ELMO1: variants seen among roughly 807,000 people sequenced by gnomAD.
The protein encoded by ELMO1 is engulfment and cell motility 1, also known as engulfment and cell motility protein 1.
ELMO1 carries 26 observed loss-of-function variants against 98.9 expected under a neutral mutation model. That is an observed-to-expected ratio of 0.26 (90% CI 0.19 to 0.36). ELMO1 has a LOEUF of 0.36. Ranked by LOEUF, ELMO1 falls within the 10% of genes least tolerant of loss-of-function variation. The pLI is 1.00. For missense variants in ELMO1, 627 were observed against 935.2 expected (o/e 0.67, Z 4.30); for synonymous variants, 346 against 346.0 (o/e 1.00, Z 0.00).
At chr7:37,375,521 G>T in intron 1 of ELMO1, 1 of 935,308 alleles carries the variant, frequency 1.1e-6, no homozygotes. Flanking sequence ...GAGCCACCAA[G>T]ATGTTGATGC....
At chr7:37,063,993 T>C (rs561582236) in intron 15 of ELMO1, among the ~76,000 whole-genome samples, 134 of 152,236 alleles carry the variant, frequency 8.8e-4, no homozygotes, top group African/African-American at 3.1e-3. Flanking sequence ...AATTTTTTCA[T>C]CCTTGGGTCG....
intron 1 of ELMO1, among the ~76,000 whole-genome samples, chr7:37,392,122 A>G (rs965559688): frequency 6.6e-6 from 1 of 152,212 alleles, no homozygotes; most frequent in Non-Finnish European, 1.5e-5. Flanking sequence ...TAGAGATAAT[A>G]AAATATTCCA....
intron 4 of ELMO1, among the ~76,000 whole-genome samples, chr7:37,276,862 C>T (rs1796863790): frequency 6.6e-6 from 1 of 152,188 alleles, no homozygotes; most frequent in Admixed American, 6.5e-5. Flanking sequence ...ATCTCTCACC[C>T]ACTTTTTTTA....
intron 16 of ELMO1, among the ~76,000 whole-genome samples, chr7:36,968,273 C>T (rs1789616147): frequency 1.3e-5 from 2 of 152,196 alleles, no homozygotes; most frequent in Admixed American, 6.5e-5. Flanking sequence ...AATATTTATT[C>T]TGCACTTCTG....
At chr7:37,085,383 T>G (rs1783708575) in intron 15 of ELMO1, among the ~76,000 whole-genome samples, 1 of 152,240 alleles carries the variant, frequency 6.6e-6, no homozygotes, top group Non-Finnish European at 1.5e-5. Flanking sequence ...TATTTTGGTT[T>G]TGAAAACTTT....
intron 1 of ELMO1, among the ~76,000 whole-genome samples, chr7:37,346,074 C>T (rs759059194): frequency 1.8e-4 from 27 of 151,766 alleles, no homozygotes; most frequent in Non-Finnish European, 3.2e-4. Context: ...GCCAAAAAAT[C>T]AGCAAGTGCG....
intron 16 of ELMO1, among the ~76,000 whole-genome samples, chr7:36,904,589 T>G (rs972392265): frequency 7.9e-5 from 12 of 152,174 alleles, no homozygotes; most frequent in African/African-American, 2.9e-4. Context: ...CTGCACCTCA[T>G]GAGAAAGCAC....
intron 1 of ELMO1, among the ~76,000 whole-genome samples, chr7:37,394,683 C>G (rs1241659911): frequency 1.3e-5 from 2 of 152,042 alleles, no homozygotes; most frequent in Non-Finnish European, 2.9e-5. Flanking sequence ...ACAGAAACAC[C>G]AGATCTGCAG....
chr7:37,303,440 G>T (rs1798445743), intron 4 of ELMO1, among the ~76,000 whole-genome samples: 1 of 152,110 alleles, frequency 6.6e-6, no homozygotes, highest in Non-Finnish European at 1.5e-5. Context: ...AACATAATCT[G>T]ATTGCTGTTC....
intron 1 of ELMO1, chr7:37,353,749 C>T (rs1212598195): frequency 6.6e-6 from 1 of 152,144 alleles, no homozygotes; most frequent in Non-Finnish European, 1.5e-5. Context: ...ACAGAGCGTT[C>T]ATTTGTCTGT....
At chr7:37,109,490 C>T (rs1046424517) in intron 14 of ELMO1, among the ~76,000 whole-genome samples, 8 of 152,156 alleles carry the variant, frequency 5.3e-5, no homozygotes, top group South Asian at 4.1e-4. Context: ...ACACACCCCA[C>T]GCGCTGCCTC....
intron 13 of ELMO1, among the ~76,000 whole-genome samples, chr7:37,173,836 G>A (rs561234795): frequency 1.6e-4 from 25 of 152,302 alleles, no homozygotes; most frequent in South Asian, 8.3e-4. Context: ...GTGTCTGCTC[G>A]GCTGGCTTTA....
At chr7:37,033,360 T>C (rs1794985264) in intron 15 of ELMO1, 1 of 455,608 alleles carries the variant, frequency 2.2e-6, no homozygotes. Context: ...CGAGACACAC[T>C]GCAAGGCTGG....
intron 13 of ELMO1, among the ~76,000 whole-genome samples, chr7:37,155,503 A>AATAAAAAT (rs1554427527): frequency 7.6e-6 from 1 of 131,738 alleles, no homozygotes; most frequent in African/African-American, 2.7e-5. Flanking sequence ...AAAAAAAAAA[A>AATAAAAAT]AAAAAGCAGG....
chr7:37,084,172 GGAGGAGCGGGAGGGAGAGGGATGAA>G (rs1277277378), intron 15 of ELMO1, among the ~76,000 whole-genome samples: 8 of 152,188 alleles, frequency 5.3e-5, no homozygotes, highest in African/African-American at 1.9e-4. Flanking sequence ...ATTACCCTGA[GGAGGAGCGGGAGGGAGAGGGATGAA>G]GAGGAGCCCT....
At chr7:36,947,076 T>C (rs1382814545) in intron 16 of ELMO1, among the ~76,000 whole-genome samples, 2 of 152,206 alleles carry the variant, frequency 1.3e-5, no homozygotes, top group South Asian at 2.1e-4. Context: ...GTCACCCAAA[T>C]AGTGAGCACA....
At position 37,153,231 on chromosome 7, in the gene ELMO1, G is replaced by A. The variant is rs368628966; in HGVS notation, c.1087-19997C>T. 4.6e-5 allele frequency among the ~76,000 whole-genome samples: 7 copies of A among 152,254 alleles called. No individual in the cohort carries two copies. In the East Asian group the frequency reaches 5.8e-4, roughly 13 times the overall value. ...TCCCAGTGATATTGACGCAGCAGAC[G>A]GGTGATTTCTACATTTCCAACTGAG... On this transcript the variant is annotated intron_variant, in intron 13 of 21. Coordinates refer to ENST00000310758, the MANE Select transcript of ELMO1 (RefSeq NM_014800.11).
At chr7:37,349,712 C>A (rs1801172226) in intron 1 of ELMO1, among the ~76,000 whole-genome samples, 1 of 152,168 alleles carries the variant, frequency 6.6e-6, no homozygotes, top group African/African-American at 2.4e-5. Context: ...CCTCGGCCTC[C>A]CCAAGTGCTG....
intron 15 of ELMO1, chr7:37,033,236 G>A: frequency 5.4e-6 from 2 of 371,348 alleles, no homozygotes; most frequent in Non-Finnish European, 1.1e-5. Flanking sequence ...CGGAGCAGGA[G>A]GAGCGCAGAC....
Sources: allele counts gnomAD v4.1 joint callset (sites outside exome capture counted in the v4.1 genomes callset), GRCh38; gene constraint gnomAD v4.1.1; transcripts MANE v1.5; gene names NCBI Gene and HGNC (gene_info 2026-07-23, HGNC 2026-07-21).